The following GPHN variants were observed in gnomAD, a reference collection of about 807,000 sequenced individuals.
GPHN encodes the protein gephyrin.
A neutral mutation model predicts 95.5 loss-of-function variants in GPHN; 17 were observed. The ratio of observed to expected loss-of-function variants is 0.18; its 90% CI spans 0.12 to 0.27. GPHN has a LOEUF of 0.27. Among genes scored for constraint, GPHN ranks in the 10% least tolerant of loss-of-function variants. The probability of loss-of-function intolerance (pLI) is 1.00; values close to 1 mark genes in which losing one functional copy is unlikely to be tolerated. For synonymous variants in GPHN, 320 were observed against 322.5 expected, an observed-to-expected ratio of 0.99 and a Z score of 0.08; for missense variants, 660 against 978.1, an observed-to-expected ratio of 0.67 and a Z score of 4.34.
the GPHN span, among the ~76,000 whole-genome samples, chr14:67,421,860 T>C: frequency 3.9e-5 from 6 of 152,194 alleles, no homozygotes; most frequent in Non-Finnish European, 8.8e-5. Flanking sequence ...TCATTGCTGT[T>C]AGGCTGTCCA....
chr14:66,639,041 G>A (rs7342493), intron 1 of GPHN, among the ~76,000 whole-genome samples: 1 of 151,440 alleles, frequency 6.6e-6, no homozygotes, highest in African/African-American at 2.4e-5. Flanking sequence ...AAAAGGATAG[G>A]TAACATATTC....
intron 1 of GPHN, among the ~76,000 whole-genome samples, chr14:66,592,209 A>G (rs1050224676): frequency 6.6e-6 from 1 of 152,216 alleles, no homozygotes; most frequent in African/African-American, 2.4e-5. Context: ...TCTAGAAGAA[A>G]ACCTAGGCAA....
intron 1 of GPHN, among the ~76,000 whole-genome samples, chr14:66,562,327 C>T (rs2060288526): frequency 6.6e-6 from 1 of 152,084 alleles, no homozygotes; most frequent in Middle Eastern, 3.2e-3. Context: ...CTTAAATGTA[C>T]TTACCACAGA....
At chr14:67,199,936 G>C in the GPHN span, 424 of 1,436,046 alleles carry the variant, frequency 3.0e-4, 6 homozygotes, top group South Asian at 5.9e-3. Flanking sequence ...ACACTCCCAA[G>C]CTCACCCATT....
At chr14:67,246,653 T>G in the GPHN span, among the ~76,000 whole-genome samples, 462 of 145,066 alleles carry the variant, frequency 3.2e-3, 3 homozygotes, top group African/African-American at 0.012. Context: ...CTATAGGTTT[T>G]TTTTTTTTTT....
At chr14:66,870,193 T>A (rs1311179555) in intron 4 of GPHN, among the ~76,000 whole-genome samples, 2 of 152,198 alleles carry the variant, frequency 1.3e-5, no homozygotes, top group Non-Finnish European at 2.9e-5. Flanking sequence ...TTGTGCTTGA[T>A]TTAAGAATAC....
the GPHN span, among the ~76,000 whole-genome samples, chr14:67,716,215 A>G: frequency 6.6e-6 from 1 of 151,924 alleles, no homozygotes; most frequent in Non-Finnish European, 1.5e-5. Flanking sequence ...AAAAAAGAAA[A>G]GAAAAAAGAA....
At chr14:66,957,939 G>T (rs1307840889) in intron 8 of GPHN, among the ~76,000 whole-genome samples, 3 of 152,176 alleles carry the variant, frequency 2.0e-5, no homozygotes, top group Non-Finnish European at 2.9e-5. Context: ...ACTAATCCCT[G>T]ATGATCTGAG....
chr14:67,425,745 G>C, the GPHN span, among the ~76,000 whole-genome samples: 3 of 151,960 alleles, frequency 2.0e-5, no homozygotes, highest in Non-Finnish European at 2.9e-5. Flanking sequence ...AACTGGACCT[G>C]CTCTGATGGA....
intron 4 of GPHN, among the ~76,000 whole-genome samples, chr14:66,870,709 A>G (rs964351460): frequency 4.6e-5 from 7 of 152,210 alleles, no homozygotes; most frequent in African/African-American, 1.4e-4. Flanking sequence ...ACTGAAAGGT[A>G]TTCACAAATT....
At chr14:67,036,882 C>T (rs373272285) in intron 10 of GPHN, among the ~76,000 whole-genome samples, 4 of 151,920 alleles carry the variant, frequency 2.6e-5, no homozygotes, top group Admixed American at 2.6e-4. Flanking sequence ...AAATTCAAGG[C>T]AATCCCTATC....
At chr14:67,427,720 G>A in the GPHN span, among the ~76,000 whole-genome samples, 24 of 152,164 alleles carry the variant, frequency 1.6e-4, no homozygotes, top group African/African-American at 5.1e-4. Flanking sequence ...TAGCCCTTTC[G>A]GGGACACTCA....
At chr14:66,929,945 A>T (rs911021693) in intron 8 of GPHN, among the ~76,000 whole-genome samples, 16 of 152,102 alleles carry the variant, frequency 1.1e-4, no homozygotes, top group Non-Finnish European at 2.1e-4. Context: ...TCTCCTGACC[A>T]CATGATCCGC....
the GPHN span, chr14:67,359,884 AG>A: frequency 7.5e-6 from 5 of 667,192 alleles, no homozygotes; most frequent in Non-Finnish European, 1.3e-5. Context: ...CAGGCGACGA[AG>A]GGGGAGGACA....
chr14:67,295,057 A>G, the GPHN span: 1 of 152,268 alleles, frequency 6.6e-6, no homozygotes, highest in Non-Finnish European at 1.5e-5. Flanking sequence ...GAGAGTAAAA[A>G]TGAAAGCCAA....
the GPHN span, among the ~76,000 whole-genome samples, chr14:67,469,394 A>G: frequency 6.7e-6 from 1 of 149,428 alleles, no homozygotes; most frequent in Non-Finnish European, 1.5e-5. Context: ...CTCCTGATTC[A>G]GGCTCCTGAG....
intron 21 of GPHN, among the ~76,000 whole-genome samples, chr14:67,169,517 T>G (rs1255446103): frequency 6.6e-6 from 1 of 152,210 alleles, no homozygotes; most frequent in African/African-American, 2.4e-5. Flanking sequence ...GGTAACCATA[T>G]TGTTTAGAAG....
intron 4 of GPHN, among the ~76,000 whole-genome samples, chr14:66,863,052 G>C (rs2063089872): frequency 6.6e-6 from 1 of 152,010 alleles, no homozygotes; most frequent in Non-Finnish European, 1.5e-5. Flanking sequence ...GTTTTCAGAT[G>C]ATATGATATT....
intron 8 of GPHN, among the ~76,000 whole-genome samples, chr14:66,934,677 T>C (rs1194065177): frequency 6.6e-6 from 1 of 152,130 alleles, no homozygotes; most frequent in African/African-American, 2.4e-5. Flanking sequence ...CTTGGGACCG[T>C]GAATGGAATG....
Sources: allele counts gnomAD v4.1 joint callset (sites outside exome capture counted in the v4.1 genomes callset), GRCh38; gene constraint gnomAD v4.1.1; transcripts MANE v1.5; gene names NCBI Gene and HGNC (gene_info 2026-07-23, HGNC 2026-07-21).